The following NAV2 variants were observed in gnomAD, a reference collection of about 807,000 sequenced individuals.
NAV2 encodes the protein helicase, APC down-regulated 1.
NAV2 carries 54 observed loss-of-function variants against 223.2 expected under a neutral mutation model. The ratio of observed to expected loss-of-function variants is 0.24; its 90% CI spans 0.19 to 0.30. The LOEUF is 0.30. NAV2 is among the 10% of genes least tolerant of loss of function. The probability of loss-of-function intolerance (pLI) is 1.00; values close to 1 mark genes in which losing one functional copy is unlikely to be tolerated. For missense variants in NAV2, 2,806 were observed against 3,147.5 expected, an observed-to-expected ratio of 0.89 and a Z score of 2.60; for synonymous variants, 1,279 against 1,239.3, an observed-to-expected ratio of 1.03 and a Z score of -0.67.
At chr11:19,558,344 T>C (rs2044974960) in intron 1 of NAV2, among the ~76,000 whole-genome samples, 1 of 152,184 alleles carries the variant, frequency 6.6e-6, no homozygotes, top group Non-Finnish European at 1.5e-5. Context: ...CAAGAGGGCT[T>C]CCTCAAATGC....
intron 1 of NAV2, among the ~76,000 whole-genome samples, chr11:19,408,747 G>A (rs964861750): frequency 1.3e-5 from 2 of 152,182 alleles, no homozygotes; most frequent in Non-Finnish European, 2.9e-5. Flanking sequence ...CAAGGTCACT[G>A]CCAGTGAACG....
intron 10 of NAV2, among the ~76,000 whole-genome samples, chr11:19,982,259 T>TTTTGTTTTGTTTTGTTTTGTTTTG (rs1555178644): frequency 2.2e-5 from 3 of 135,584 alleles, no homozygotes; most frequent in Non-Finnish European, 4.5e-5. Flanking sequence ...TTTGTTTTTG[T>TTTTGTTTTGTTTTGTTTTGTTTTG]TTTTGTTTTG....
chr11:19,851,887 G>A (rs112076566), intron 3 of NAV2, among the ~76,000 whole-genome samples: 1 of 147,166 alleles, frequency 6.8e-6, no homozygotes, highest in Non-Finnish European at 1.5e-5. Flanking sequence ...GTGATTACAA[G>A]CATTCTTATA....
At chr11:19,877,559 G>A (rs932384973) in intron 4 of NAV2, among the ~76,000 whole-genome samples, 7 of 145,228 alleles carry the variant, frequency 4.8e-5, no homozygotes, top group South Asian at 2.2e-4. Context: ...TGCAAGCTCC[G>A]CCTCCCGGGT....
intron 25 of NAV2, chr11:20,082,612 C>T (rs373224617): frequency 9.0e-5 from 145 of 1,612,742 alleles, no homozygotes; most frequent in Non-Finnish European, 1.1e-4. Flanking sequence ...TAAGCAAGAC[C>T]AACTTTAATA....
At chr11:19,608,436 C>T (rs540663677) in intron 1 of NAV2, among the ~76,000 whole-genome samples, 8 of 152,380 alleles carry the variant, frequency 5.3e-5, no homozygotes, top group African/African-American at 1.7e-4. Context: ...CACAATGATA[C>T]CCGTGATGTT....
intron 11 of NAV2, among the ~76,000 whole-genome samples, chr11:20,006,399 G>A (rs1013027566): frequency 6.6e-5 from 10 of 152,056 alleles, no homozygotes; most frequent in African/African-American, 2.2e-4. Flanking sequence ...AATTGTGGCC[G>A]AATGCAGTGG....
At chr11:20,085,089 G>A (rs959850983) in intron 26 of NAV2, among the ~76,000 whole-genome samples, 2 of 151,850 alleles carry the variant, frequency 1.3e-5, no homozygotes, top group African/African-American at 4.8e-5. Flanking sequence ...AGCTACTTGG[G>A]AGGCTGAGGC....
chr11:19,900,785 C>T (rs2042385812), intron 6 of NAV2, among the ~76,000 whole-genome samples: 1 of 152,100 alleles, frequency 6.6e-6, no homozygotes, highest in African/African-American at 2.4e-5. Context: ...AAGCAATGTG[C>T]TTAGTAATAT....
chr11:19,726,592 T>A (rs1199932613), intron 1 of NAV2, among the ~76,000 whole-genome samples: 1 of 152,256 alleles, frequency 6.6e-6, no homozygotes, highest in Non-Finnish European at 1.5e-5. Context: ...CACAGTAGAA[T>A]GTGGGAATCA....
Position 19,862,886 on chromosome 11 carries a change from T to C in NAV2, c.439-6039T>C, listed in dbSNP as rs138683720. On this transcript the variant is annotated intron_variant, in intron 3 of 37. Coordinates refer to ENST00000349880, the MANE Select transcript of NAV2 (RefSeq NM_145117.5). Reference sequence around the variant, plus strand: ...TAGGAGGGCATTTCCCTAAAGTTCATTTTGCTTTTTGGTTTGGTTTCATAG... The same window carrying C: ...TAGGAGGGCATTTCCCTAAAGTTCACTTTGCTTTTTGGTTTGGTTTCATAG... Among the ~76,000 whole-genome samples the C allele has an allele frequency of 2.6e-3, 397 of 152,272 alleles. 1 individual carries two copies. The highest frequency in any genetic ancestry group is 8.2e-3 in the African/African-American group (339 of 41,566).
intron 1 of NAV2, among the ~76,000 whole-genome samples, chr11:19,559,166 T>C (rs1187747985): frequency 2.6e-5 from 4 of 152,212 alleles, no homozygotes; most frequent in Non-Finnish European, 5.9e-5. Flanking sequence ...GTACTTATAG[T>C]AGTGCCTGGC....
chr11:20,118,093 T>C (rs1360473700), intron 37 of NAV2, 40 bp from the exon 38 acceptor site: 7 of 1,609,672 alleles, frequency 4.3e-6, no homozygotes, highest in Non-Finnish European at 5.9e-6. Context: ...GGCGGCCAAC[T>C]AGACAGAAAG....
At chr11:19,943,148 A>G (rs992528733) in intron 8 of NAV2, among the ~76,000 whole-genome samples, 1 of 152,128 alleles carries the variant, frequency 6.6e-6, no homozygotes, top group Non-Finnish European at 1.5e-5. Flanking sequence ...CTTCATAATC[A>G]ATATTTTCTA....
At chr11:19,508,046 G>T (rs2043174674) in intron 1 of NAV2, among the ~76,000 whole-genome samples, 1 of 152,170 alleles carries the variant, frequency 6.6e-6, no homozygotes, top group Non-Finnish European at 1.5e-5. Context: ...CTGAAAGGTT[G>T]GTCCTTGATG....
exon 1 of NAV2, chr11:19,350,735 C>T (rs375053814): frequency 8.5e-5 from 48 of 567,192 alleles, no homozygotes; most frequent in East Asian, 7.3e-4. Context: ...CTCATGATGC[C>T]GGCAGCAGTC....
chr11:19,812,130 A>C (rs1004098726), intron 1 of NAV2, among the ~76,000 whole-genome samples: 1 of 152,074 alleles, frequency 6.6e-6, no homozygotes, highest in African/African-American at 2.4e-5. Flanking sequence ...TCTTGCACAA[A>C]TTGCACGGCT....
chr11:19,783,499 T>C (rs1232948826), intron 1 of NAV2, among the ~76,000 whole-genome samples: 1 of 152,168 alleles, frequency 6.6e-6, no homozygotes, highest in Non-Finnish European at 1.5e-5. Context: ...CCTGACTTCT[T>C]AAAAGGAGGG....
chr11:19,425,762 G>A (rs987221187), intron 1 of NAV2, among the ~76,000 whole-genome samples: 2 of 152,072 alleles, frequency 1.3e-5, no homozygotes, highest in African/African-American at 2.4e-5. Flanking sequence ...TTTTTCACAC[G>A]TGAATAGGTA....
Sources: gnomAD v4.1 joint callset for allele counts (sites outside exome capture counted in the v4.1 genomes callset) on GRCh38, gnomAD v4.1.1 for gene constraint, MANE v1.5 for transcripts, NCBI Gene and HGNC (gene_info 2026-07-23, HGNC 2026-07-21) for gene names.